CNGB1: variants seen among roughly 807,000 people sequenced by gnomAD.
CNGB1 encodes the protein cyclic nucleotide gated channel subunit beta 1, also known as cyclic nucleotide-gated channel beta-1.
CNGB1 carries 126 observed loss-of-function variants against 151.7 expected under a neutral mutation model. That is an observed-to-expected ratio of 0.83 (90% CI 0.72 to 0.96). CNGB1 has a LOEUF of 0.96. Ranked by LOEUF, CNGB1 falls within the 40% of genes least tolerant of loss-of-function variation. CNGB1 has a pLI of 0.00. For synonymous variants in CNGB1, 623 were observed against 635.1 expected, an observed-to-expected ratio of 0.98 and a Z score of 0.29; for missense variants, 1,698 against 1,627.0, an observed-to-expected ratio of 1.04 and a Z score of -0.75.
chr16:57,922,427 C>CTTTT lies in CNGB1; in HGVS notation c.1643+845_1643+846insAAAA, dbSNP rs202188548. 8.3e-4 allele frequency among the ~76,000 whole-genome samples: 118 copies of CTTTT among 142,058 alleles called. 2 individuals are homozygous for CTTTT. Among genetic ancestry groups the CTTTT allele is most frequent in the African/African-American group, 2.8e-3 (97 of 34,420 alleles). 93.2% of individuals were successfully genotyped at this position (142,058 alleles called of 152,430 possible). A position where few individuals can be genotyped will look rare whatever the true frequency, so the allele number is the denominator to read the frequency against. Reference sequence around the variant, plus strand: ...GGTTTCTTTCTCTCTTTCTTTCTTTCTTTCTTTTTTTTTTTTTTGAGATGA... The same window carrying CTTTT: ...GGTTTCTTTCTCTCTTTCTTTCTTTCTTTTTTTCTTTTTTTTTTTTTTGAGATGA... On this transcript the variant is annotated intron_variant, in intron 18 of 32. Transcript: ENST00000251102.
intron 14 of CNGB1, among the ~76,000 whole-genome samples, chr16:57,942,916 T>C (rs1961708727): frequency 6.7e-6 from 1 of 148,762 alleles, no homozygotes; most frequent in Admixed American, 6.7e-5. Flanking sequence ...AAATGTAAAA[T>C]CTGAAACTAT....
intron 16 of CNGB1, among the ~76,000 whole-genome samples, chr16:57,937,566 C>T (rs1394303185): frequency 2.0e-5 from 3 of 152,142 alleles, no homozygotes; most frequent in Non-Finnish European, 2.9e-5. Context: ...CCCAGGAGGC[C>T]CCCAACTTCC....
At chr16:57,913,928 C>A (rs1488023299) in intron 23 of CNGB1, among the ~76,000 whole-genome samples, 1 of 152,232 alleles carries the variant, frequency 6.6e-6, no homozygotes, top group Non-Finnish European at 1.5e-5. Flanking sequence ...AGCATTCCAA[C>A]CCAGGCCAGA....
chr16:57,923,215 C>CCCCA, intron 18 of CNGB1, 58 bp downstream of exon 18: 2 of 1,308,272 alleles, frequency 1.5e-6, no homozygotes, highest in Non-Finnish European at 1.1e-6. Flanking sequence ...CTAGCCCCCC[C>CCCCA]ACATCCCCCA....
At chr16:57,950,747 G>A (rs1325319423) in intron 12 of CNGB1, among the ~76,000 whole-genome samples, 1 of 152,214 alleles carries the variant, frequency 6.6e-6, no homozygotes, top group Non-Finnish European at 1.5e-5. Flanking sequence ...CATTCACTCT[G>A]TCTCCATTAT....
intron 31 of CNGB1, among the ~76,000 whole-genome samples, chr16:57,894,692 C>T (rs1475076667): frequency 6.6e-6 from 1 of 152,134 alleles, no homozygotes; most frequent in African/African-American, 2.4e-5. Context: ...CAACGAGCCA[C>T]GTAATAATGG....
chr16:57,887,706 G>T, intron 32 of CNGB1, 149 bp downstream of exon 32: 1 of 792,430 alleles, frequency 1.3e-6, no homozygotes, highest in Non-Finnish European at 2.1e-6. Context: ...CTTGCACTCT[G>T]TCACTGGTAA....
intron 17 of CNGB1, 144 bp downstream of exon 17, chr16:57,931,572 G>A (rs2149371924): frequency 1.1e-6 from 1 of 917,112 alleles, no homozygotes; most frequent in East Asian, 2.6e-5. Context: ...AAACGAGGAA[G>A]GGGCATCATA....
intron 17 of CNGB1, among the ~76,000 whole-genome samples, chr16:57,928,104 A>C (rs528236487): frequency 1.4e-4 from 21 of 151,584 alleles, no homozygotes; most frequent in Non-Finnish European, 8.9e-5. Context: ...AGAGTTACAG[A>C]CAGCCTCCCT....
At chr16:57,905,311 T>C (rs1232087480) in intron 25 of CNGB1, among the ~76,000 whole-genome samples, 2 of 152,244 alleles carry the variant, frequency 1.3e-5, no homozygotes, top group Non-Finnish European at 2.9e-5. Flanking sequence ...GGACGATATC[T>C]TGAGGATGAC....
intron 25 of CNGB1, among the ~76,000 whole-genome samples, chr16:57,908,611 C>T (rs772651989): frequency 6.6e-5 from 10 of 152,242 alleles, no homozygotes; most frequent in Non-Finnish European, 1.2e-4. Flanking sequence ...CCCCATTTTG[C>T]AGGTGAGGGA....
intron 23 of CNGB1, among the ~76,000 whole-genome samples, chr16:57,914,441 G>A (rs777241322): frequency 2.8e-4 from 42 of 152,166 alleles, no homozygotes; most frequent in Non-Finnish European, 4.9e-4. Flanking sequence ...GCACTTGCAC[G>A]CCCCCTAGTT....
chr16:57,960,492 G>A lies in CNGB1; in HGVS notation c.573C>T (p.Ala191=). 5.6e-6 allele frequency: 9 copies of A among 1,613,714 alleles called. No individual in the cohort carries two copies. The highest frequency in any genetic ancestry group is 6.8e-6 in the Non-Finnish European group (8 of 1,179,844). ...CTCCCCTCCCTGTACCTGGGTCTGA[G>A]GCAGCACCTGTAGCAACTGCAGGCT... ...RDEPAVATGA[A]SDPAPPGRPQ... is the part of the protein sequence containing the mutation. The change falls in exon 9 of 33, where the codon GCC becomes GCT. Residue 191 remains alanine, a synonymous_variant. Transcript: ENST00000251102.
chr16:57,969,826 AGT>A (rs1962494640), intron 1 of CNGB1, among the ~76,000 whole-genome samples: 1 of 152,196 alleles, frequency 6.6e-6, no homozygotes. Context: ...CGTGCAGGTC[AGT>A]GTGTGCTAAC....
intron 2 of CNGB1, among the ~76,000 whole-genome samples, chr16:57,965,314 T>C (rs1222331421): frequency 1.3e-5 from 2 of 152,172 alleles, no homozygotes; most frequent in Admixed American, 1.3e-4. Flanking sequence ...TGTATGTACA[T>C]ATGCATGCAT....
chr16:57,931,345 G>A (rs1316291748), intron 17 of CNGB1, among the ~76,000 whole-genome samples: 1 of 151,888 alleles, frequency 6.6e-6, no homozygotes, highest in Non-Finnish European at 1.5e-5. Flanking sequence ...AGGAAAGACG[G>A]GGTTTCGCTA....
chr16:57,962,509 C>G, intron 7 of CNGB1, 56 bp downstream of exon 7: 1 of 1,523,372 alleles, frequency 6.6e-7, no homozygotes, highest in Non-Finnish European at 9.1e-7. Flanking sequence ...AACCAAGGAC[C>G]TGTTCCTCCC....
chr16:57,887,788 G>C (rs1182608561), intron 32 of CNGB1, 67 bp downstream of exon 32: 3 of 1,463,674 alleles, frequency 2.0e-6, no homozygotes, highest in Non-Finnish European at 2.9e-6. Context: ...CACTCTTGGA[G>C]ACCCCTTGGC....
At chr16:57,919,543 T>C (rs555636416) in intron 19 of CNGB1, among the ~76,000 whole-genome samples, 11 of 152,146 alleles carry the variant, frequency 7.2e-5, no homozygotes, top group African/African-American at 1.2e-4. Flanking sequence ...TCTGGGCCAG[T>C]TGGATGTTTC....
Sources: allele counts gnomAD v4.1 joint callset (sites outside exome capture counted in the v4.1 genomes callset), GRCh38; gene constraint gnomAD v4.1.1; transcripts MANE v1.5; gene names NCBI Gene and HGNC (gene_info 2026-07-23, HGNC 2026-07-21).